Variants in ABCC5 observed in about 807,000 individuals in gnomAD.
ABCC5 encodes the protein ATP-binding cassette sub-family C member 5.
In ABCC5, 61 loss-of-function variants were observed where a neutral mutation model predicts 160.9. That is an observed-to-expected ratio of 0.38 (90% CI 0.31 to 0.47). ABCC5 has a LOEUF of 0.47. ABCC5 is among the 20% of genes least tolerant of loss of function. The pLI, the probability that ABCC5 is intolerant of heterozygous loss-of-function variation, is 0.99. For missense variants in ABCC5, 1,308 were observed against 1,813.3 expected, an observed-to-expected ratio of 0.72 and a Z score of 5.06; for synonymous variants, 666 against 700.6, an observed-to-expected ratio of 0.95 and a Z score of 0.78.
At chr3:183,976,710 C>T (rs1201936676) in intron 10 of ABCC5, among the ~76,000 whole-genome samples, 1 of 152,186 alleles carries the variant, frequency 6.6e-6, no homozygotes, top group Non-Finnish European at 1.5e-5. Context: ...ATCCCTCAAA[C>T]ATGTGAGCTT....
intron 26 of ABCC5, among the ~76,000 whole-genome samples, chr3:183,936,151 GGGCACACACCACAGGCATGCACCACA>G (rs1295108690): frequency 1.3e-5 from 2 of 151,968 alleles, no homozygotes; most frequent in African/African-American, 4.8e-5. Flanking sequence ...TCCTTTCCGC[GGGCACACACCACAGGCATGCACCACA>G]GGCACACACC....
intron 27 of ABCC5, 122 bp from the exon 28 acceptor site, chr3:183,927,565 C>A: frequency 6.9e-7 from 1 of 1,449,376 alleles, no homozygotes. Flanking sequence ...GAACCTGTCT[C>A]ATCTGGAATG....
At chr3:183,970,498 G>A (rs1449701122) in intron 11 of ABCC5, among the ~76,000 whole-genome samples, 1 of 151,136 alleles carries the variant, frequency 6.6e-6, no homozygotes, top group African/African-American at 2.4e-5. Context: ...AGGCTGGAGT[G>A]CAGTAGCGCG....
intron 26 of ABCC5, among the ~76,000 whole-genome samples, chr3:183,931,020 T>A (rs1359068547): frequency 3.3e-5 from 5 of 152,208 alleles, no homozygotes; most frequent in African/African-American, 1.2e-4. Context: ...CTATGTTTTT[T>A]TCCCCTATAT....
At position 183,951,585 on chromosome 3, in the gene ABCC5, ACAGAGTGGT is replaced by A. The variant is rs765959142; in HGVS notation, c.2815-24_2815-16del. Reference sequence around the variant, plus strand: ...CGCAGCGTGCCCTGAGGAGCAGAGCACAGAGTGGTCAGGGCCCAGGGACGGCTCTGTTCC... The same window carrying A: ...CGCAGCGTGCCCTGAGGAGCAGAGCACAGGGCCCAGGGACGGCTCTGTTCC... On this transcript the variant is annotated splice_polypyrimidine_tract_variant and intron_variant, in intron 19 of 29. Coordinates refer to ENST00000334444, the MANE Select transcript of ABCC5 (RefSeq NM_005688.4). This position sits in a 1 kb window ranked among gnomAD's most constrained non-coding sequence, Gnocchi z 4.7. The A allele has an allele frequency of 8.1e-6, 13 of 1,613,600 alleles. No individual in the cohort carries two copies. The African/African-American group carries it at 9.3e-5, about 12-fold the overall frequency.
Position 183,927,421 on chromosome 3 carries a change from A to C in ABCC5, c.3956T>G (p.Leu1319Arg). 1 of 1,613,474 alleles carries C rather than the reference A, an allele frequency of 6.2e-7. No individual in the cohort carries two copies. The change falls in exon 28 of 30, where the codon CTT (leucine) becomes CGT (arginine). Residue 1319 changes from leucine (L) to arginine (R), a missense_variant. Around this residue, in one of 3 missense-constraint regions of ABCC5, gnomAD observed 163 missense variants for 269.7 expected, o/e 0.60. Transcript: ENST00000334444. ...CCCATTCTCCATCACTTCAGATTCA[A>C]GTTTCAGAGGTAGCTGAGCAATCTA... ...KECIAQLPLK[L>R]ESEVMENGDN...
At chr3:183,969,055 G>T (rs1717493118) in intron 11 of ABCC5, among the ~76,000 whole-genome samples, 1 of 152,188 alleles carries the variant, frequency 6.6e-6, no homozygotes, top group African/African-American at 2.4e-5. Flanking sequence ...AGGCCAGTTA[G>T]ATTTACATGA....
intron 5 of ABCC5, chr3:183,985,165 G>A (rs1406265177): frequency 1.2e-6 from 1 of 854,276 alleles, no homozygotes; most frequent in East Asian, 2.5e-5. Flanking sequence ...AGGTTTTCAT[G>A]AAAAATCCAA....
chr3:183,938,305 AT>A (rs111835263), intron 25 of ABCC5, among the ~76,000 whole-genome samples: 12 of 148,262 alleles, frequency 8.1e-5, no homozygotes, highest in Admixed American at 2.7e-4. Context: ...TTCCATTTTC[AT>A]TTTTTTTTTT....
chr3:183,933,569 A>C (rs1713391914), intron 26 of ABCC5, among the ~76,000 whole-genome samples: 2 of 152,306 alleles, frequency 1.3e-5, no homozygotes, highest in South Asian at 2.1e-4. Context: ...GGAGGCAATC[A>C]TGAGGGCAAA....
In ABCC5 at chr3:183,988,453, G is replaced by A. The variant is rs1314961447; in HGVS notation, c.443+119C>T. The A allele has an allele frequency of 6.7e-5, 85 of 1,276,842 alleles. No individual in the cohort carries two copies. Among genetic ancestry groups the A allele is most frequent in the Admixed American group, 1.0e-4 (4 of 39,250 alleles). 79.1% of individuals were successfully genotyped at this position (1,276,842 alleles called of 1,614,324 possible). On this transcript the variant is annotated intron_variant, in intron 4 of 29. Transcript: ENST00000334444. This position sits in a 1 kb window ranked among gnomAD's most constrained non-coding sequence, Gnocchi z 4.4. ...GCAAAGAGAAAGTCATCCCCAGGCC[G>A]CCCGCCCTCCACTGGACAGCTCGGC...
chr3:183,989,672 C>T (rs955904465), intron 2 of ABCC5, among the ~76,000 whole-genome samples: 1 of 151,312 alleles, frequency 6.6e-6, no homozygotes, highest in Non-Finnish European at 1.5e-5. Flanking sequence ...ACCTCTGTAC[C>T]TCTCCCGTCC....
At chr3:183,997,441 T>G (rs1258844996) in intron 2 of ABCC5, among the ~76,000 whole-genome samples, 1 of 152,188 alleles carries the variant, frequency 6.6e-6, no homozygotes, top group Non-Finnish European at 1.5e-5. Flanking sequence ...CCAATAAATC[T>G]TAGGGTCTGT....
intron 18 of ABCC5, 28 bp downstream of exon 18, chr3:183,953,058 G>C: frequency 6.2e-7 from 1 of 1,600,702 alleles, no homozygotes. Context: ...CTTAGACACA[G>C]AACTTTCCCA....
intron 11 of ABCC5, among the ~76,000 whole-genome samples, chr3:183,968,538 T>C (rs1717438596): frequency 6.6e-6 from 1 of 152,194 alleles, no homozygotes; most frequent in Non-Finnish European, 1.5e-5. Context: ...CCATGGACAC[T>C]GTTGCATGCA....
chr3:183,980,902 G>A (rs570756631), intron 8 of ABCC5, among the ~76,000 whole-genome samples: 3 of 151,874 alleles, frequency 2.0e-5, no homozygotes, highest in African/African-American at 4.8e-5. Flanking sequence ...TAGTACAGAC[G>A]GGGTTTCACT....
At chr3:183,958,935 G>A (rs1199234985) in intron 17 of ABCC5, among the ~76,000 whole-genome samples, 1 of 151,936 alleles carries the variant, frequency 6.6e-6, no homozygotes, top group Non-Finnish European at 1.5e-5. Context: ...GTAGCAACAG[G>A]CTCCGTCTCC....
At chr3:184,003,749 C>A (rs756996509) in intron 2 of ABCC5, among the ~76,000 whole-genome samples, 1 of 152,320 alleles carries the variant, frequency 6.6e-6, no homozygotes, top group African/African-American at 2.4e-5. Context: ...TCCATAATCA[C>A]CAGGAATTTG....
intron 2 of ABCC5, chr3:184,006,602 G>A (rs1044528253): frequency 1.3e-5 from 2 of 152,150 alleles, no homozygotes; most frequent in African/African-American, 4.8e-5. Flanking sequence ...GCTGTCTCTG[G>A]GTAGAGGAAT....
Sources: allele counts gnomAD v4.1 joint callset (sites outside exome capture counted in the v4.1 genomes callset), GRCh38; gene constraint gnomAD v4.1.1; regional missense constraint gnomAD v4.1.1; non-coding constraint Gnocchi (gnomAD v3.1); transcripts MANE v1.5; gene names NCBI Gene and HGNC (gene_info 2026-07-23, HGNC 2026-07-21).